The following TRERF1 variants were observed in gnomAD, a reference collection of about 807,000 sequenced individuals.
TRERF1 encodes the protein transcriptional regulating factor 1.
In TRERF1, 27 loss-of-function variants were observed where a neutral mutation model predicts 122.9. The observed-to-expected ratio is 0.22, with a 90% confidence interval of 0.16 to 0.30. The LOEUF is 0.30. Ranked by LOEUF, TRERF1 falls within the 10% of genes least tolerant of loss-of-function variation. The pLI is 1.00. For synonymous variants in TRERF1, 636 were observed against 641.7 expected (o/e 0.99, Z 0.13); for missense variants, 1,248 against 1,560.3 (o/e 0.80, Z 3.37).
In TRERF1 at chr6:42,264,629, C is replaced by T; in HGVS notation, c.1635+75G>A. The T allele has an allele frequency of 1.9e-6, 3 of 1,572,180 alleles. No homozygotes were observed. The South Asian group carries it at 3.6e-5, about 19-fold the overall frequency. ...CAGGTCCCGCATGGGGCTCACATCACTCTCTGTCTGACGGCAGCAAAGCAA... is the reference window on the plus strand; with the variant it reads ...CAGGTCCCGCATGGGGCTCACATCATTCTCTGTCTGACGGCAGCAAAGCAA... On this transcript the variant is annotated intron_variant, in intron 7 of 17. Transcript: ENST00000372922.
chr6:42,306,167 A>G (rs1364130651), intron 3 of TRERF1, among the ~76,000 whole-genome samples: 2 of 151,426 alleles, frequency 1.3e-5, no homozygotes, highest in African/African-American at 4.9e-5. Context: ...ATGCCCAGCT[A>G]ATTTTTGTAT....
Position 42,232,836 on chromosome 6 carries a change from G to C in TRERF1, c.3123C>G (p.Asn1041Lys). 1 of 1,612,122 alleles carries C rather than the reference G, an allele frequency of 6.2e-7. No individual in the cohort carries two copies. Among genetic ancestry groups the C allele is most frequent in the Non-Finnish European group, 8.5e-7 (1 of 1,179,184 alleles). The change falls in exon 17 of 18, where the codon AAC becomes AAG. Residue 1041 changes from asparagine to lysine, a missense_variant. Transcript: ENST00000372922. This position sits in a 1 kb window ranked among gnomAD's most constrained non-coding sequence, Gnocchi z 4.5. ...TGGCACCTCGGGCCTTGGTCACCTG[G>C]TTGGTGCCCCCGTGGATGCGGGCAT...
intron 3 of TRERF1, among the ~76,000 whole-genome samples, chr6:42,306,960 A>G (rs922638737): frequency 6.6e-6 from 1 of 152,100 alleles, no homozygotes. Flanking sequence ...AGCTTTAGAA[A>G]CCAGGGATGC....
chr6:42,399,463 G>A (rs865792677), intron 2 of TRERF1, among the ~76,000 whole-genome samples: 1 of 152,120 alleles, frequency 6.6e-6, no homozygotes, highest in Non-Finnish European at 1.5e-5. Flanking sequence ...CTGCTTGCAT[G>A]AAAGGAAGAG....
At chr6:42,333,998 TACACACACACACAC>T (rs3997687) in intron 3 of TRERF1, among the ~76,000 whole-genome samples, 1 of 147,078 alleles carries the variant, frequency 6.8e-6, no homozygotes, top group Admixed American at 6.8e-5. Context: ...ACACATACAC[TACACACACACACAC>T]ACACACACAC....
At chr6:42,422,596 C>T (rs1484716170) in intron 2 of TRERF1, among the ~76,000 whole-genome samples, 2 of 151,908 alleles carry the variant, frequency 1.3e-5, no homozygotes, top group Non-Finnish European at 2.9e-5. Flanking sequence ...CAGATCTACT[C>T]TGCTCCACCT....
intron 3 of TRERF1, among the ~76,000 whole-genome samples, chr6:42,347,839 CA>C (rs776021423): frequency 2.6e-5 from 4 of 152,214 alleles, no homozygotes; most frequent in Non-Finnish European, 5.9e-5. Context: ...CAGAGCTGGA[CA>C]AAGTCTGCAG....
At chr6:42,443,681 A>G (rs1327726170) in intron 2 of TRERF1, among the ~76,000 whole-genome samples, 2 of 152,188 alleles carry the variant, frequency 1.3e-5, no homozygotes, top group Non-Finnish European at 2.9e-5. Flanking sequence ...ATTGACTGGC[A>G]CTGCCCAGCC....
chr6:42,426,019 C>A (rs892032619), intron 2 of TRERF1, among the ~76,000 whole-genome samples: 2 of 152,068 alleles, frequency 1.3e-5, no homozygotes, highest in Non-Finnish European at 2.9e-5. Flanking sequence ...TTTGCACTGA[C>A]ATACATACTT....
At chr6:42,277,154 T>A (rs10948029) in intron 4 of TRERF1, among the ~76,000 whole-genome samples, 41,425 of 151,764 alleles carry the variant, frequency 0.27, 5,720 homozygotes, top group East Asian at 0.34. Context: ...GGGAGAGAAG[T>A]GGGAGCTGCA....
At chr6:42,409,199 C>T (rs911614226) in intron 2 of TRERF1, among the ~76,000 whole-genome samples, 3 of 152,022 alleles carry the variant, frequency 2.0e-5, no homozygotes, top group Admixed American at 1.3e-4. Context: ...AGATTGCCTG[C>T]GCCCAGGAAG....
In TRERF1 at chr6:42,268,665, G is replaced by A. The variant is rs368511316; in HGVS notation, c.926C>T (p.Pro309Leu). ...CCGCTGCTGCAGCTGTAGCTGCTGC[G>A]GCTGCTGCTGCTGTGGCGGCGGCTG... is the stretch of plus-strand genomic sequence containing the variant. Residue 309 changes from proline to leucine, a missense_variant, in exon 5 of 18, where the codon CCG (proline) becomes CTG (leucine). Pro to Leu is a moderately conservative substitution (Grantham distance 98). Around this residue, in one of 5 missense-constraint regions of TRERF1, gnomAD observed 946 missense variants for 1,073.0 expected, o/e 0.88. Coordinates refer to ENST00000372922, the Ensembl canonical transcript of TRERF1. The surrounding 1 kb of genome is among the most constrained non-coding windows in gnomAD (Gnocchi z 4.4). 11 of 1,613,956 alleles carry A rather than the reference G, an allele frequency of 6.8e-6. No homozygotes were observed. Among genetic ancestry groups the A allele is most frequent in the Middle Eastern group, 1.6e-4 (1 of 6,062 alleles).
intron 13 of TRERF1, 72 bp downstream of exon 13, chr6:42,254,779 A>C (rs1417438265): frequency 8.5e-6 from 12 of 1,415,622 alleles, no homozygotes; most frequent in African/African-American, 1.4e-5. Flanking sequence ...CATTGCTAGA[A>C]AGTGACACAA....
chr6:42,290,929 G>A (rs1000250894), intron 4 of TRERF1, among the ~76,000 whole-genome samples: 18 of 151,906 alleles, frequency 1.2e-4, no homozygotes, highest in Non-Finnish European at 2.2e-4. Context: ...CCACAGTCAC[G>A]AACCCTCTGG....
chr6:42,258,257 C>G, intron 9 of TRERF1, 56 bp from the exon 10 acceptor site: 2 of 1,538,126 alleles, frequency 1.3e-6, no homozygotes, highest in South Asian at 2.2e-5. Flanking sequence ...TTGAAAAAGA[C>G]TAAAGCAAAT....
chr6:42,438,530 A>C (rs1053293359), intron 2 of TRERF1, among the ~76,000 whole-genome samples: 1 of 151,468 alleles, frequency 6.6e-6, no homozygotes, highest in Non-Finnish European at 1.5e-5. Context: ...GAATTGCTTG[A>C]ATCTGGGAGG....
At chr6:42,372,589 G>A (rs777360485) in intron 2 of TRERF1, among the ~76,000 whole-genome samples, 2 of 152,146 alleles carry the variant, frequency 1.3e-5, no homozygotes, top group African/African-American at 2.4e-5. Flanking sequence ...CCTAGGATTC[G>A]CACCTAAGAA....
intron 2 of TRERF1, among the ~76,000 whole-genome samples, chr6:42,431,234 A>T (rs1056320435): frequency 6.6e-6 from 1 of 152,158 alleles, no homozygotes; most frequent in Non-Finnish European, 1.5e-5. Flanking sequence ...TTTAAAATAC[A>T]GGCTACTTAA....
At chr6:42,357,611 T>C (rs976537779) in intron 3 of TRERF1, among the ~76,000 whole-genome samples, 5 of 152,178 alleles carry the variant, frequency 3.3e-5, no homozygotes, top group African/African-American at 7.2e-5. Flanking sequence ...AGCATTAGGA[T>C]AGTCCTGCAG....
Sources: allele counts gnomAD v4.1 joint callset (sites outside exome capture counted in the v4.1 genomes callset), GRCh38; gene constraint gnomAD v4.1.1; regional missense constraint gnomAD v4.1.1; non-coding constraint Gnocchi (gnomAD v3.1); transcripts MANE v1.5; gene names NCBI Gene and HGNC (gene_info 2026-07-23, HGNC 2026-07-21).